The following TUBA1C variants were observed in gnomAD, a reference collection of about 807,000 sequenced individuals.
TUBA1C encodes the protein tubulin alpha-1C chain.
In TUBA1C, 16 loss-of-function variants were observed where a neutral mutation model predicts 34.9. The observed-to-expected ratio is 0.46, with a 90% CI of 0.31 to 0.70. The LOEUF (loss-of-function observed/expected upper bound fraction) is 0.70, where lower values mean the gene tolerates loss of function less well. Ranked by LOEUF, TUBA1C falls within the 30% of genes least tolerant of loss-of-function variation. The probability of loss-of-function intolerance (pLI) is 0.05; values close to 1 mark genes in which losing one functional copy is unlikely to be tolerated. For missense variants in TUBA1C, 329 were observed against 587.3 expected, an observed-to-expected ratio of 0.56 and a Z score of 4.55; for synonymous variants, 177 against 215.9, an observed-to-expected ratio of 0.82 and a Z score of 1.58.
intron 1 of TUBA1C, among the ~76,000 whole-genome samples, chr12:49,253,869 G>T (rs1942755215): frequency 6.6e-6 from 1 of 152,142 alleles, no homozygotes; most frequent in African/African-American, 2.4e-5. Context: ...CTAAACAAAA[G>T]AAAGTGAAGG....
chr12:49,245,716 G>T (rs1358792225), intron 1 of TUBA1C, among the ~76,000 whole-genome samples: 1 of 152,180 alleles, frequency 6.6e-6, no homozygotes. Context: ...AGAGGATTTT[G>T]CCAGGGTGGG....
chr12:49,236,967 A>G (rs1942561460), intron 1 of TUBA1C, among the ~76,000 whole-genome samples: 1 of 152,224 alleles, frequency 6.6e-6, no homozygotes. Context: ...TGTATAGTCA[A>G]TATGTTATAA....
intron 1 of TUBA1C, among the ~76,000 whole-genome samples, chr12:49,268,853 T>G (rs1942950744): frequency 6.6e-6 from 1 of 152,138 alleles, no homozygotes; most frequent in Non-Finnish European, 1.5e-5. Flanking sequence ...AGTTACACAA[T>G]CATTCAGAGA....
chr12:49,265,967 A>AAC (rs1555167824), intron 1 of TUBA1C, among the ~76,000 whole-genome samples: 6 of 142,356 alleles, frequency 4.2e-5, no homozygotes, highest in Non-Finnish European at 7.7e-5. Flanking sequence ...TAAAAAAAAA[A>AAC]AAAAACAAAA....
intron 1 of TUBA1C, among the ~76,000 whole-genome samples, chr12:49,231,630 G>A (rs1015825569): frequency 6.6e-6 from 1 of 152,162 alleles, no homozygotes; most frequent in Non-Finnish European, 1.5e-5. Context: ...TATTGTGAAC[G>A]TATGTGCCAT....
intron 1 of TUBA1C, among the ~76,000 whole-genome samples, chr12:49,254,001 A>G (rs1245139095): frequency 6.6e-6 from 1 of 152,126 alleles, no homozygotes; most frequent in African/African-American, 2.4e-5. Context: ...CCCTACAGAG[A>G]TAGAAGACAG....
chr12:49,229,909 T>G (rs1365431875), intron 1 of TUBA1C, among the ~76,000 whole-genome samples: 1 of 152,170 alleles, frequency 6.6e-6, no homozygotes, highest in East Asian at 1.9e-4. Context: ...TGCCTCAGCC[T>G]CCCTAGTAGC....
intron 1 of TUBA1C, among the ~76,000 whole-genome samples, chr12:49,252,678 G>A (rs977233612): frequency 2.6e-5 from 4 of 152,156 alleles, no homozygotes; most frequent in Admixed American, 6.5e-5. Context: ...TTGGGAGGCC[G>A]AGGCGGGTGG....
At chr12:49,268,400 T>TA (rs1942944608) in intron 1 of TUBA1C, among the ~76,000 whole-genome samples, 1 of 150,148 alleles carries the variant, frequency 6.7e-6, no homozygotes, top group Admixed American at 6.7e-5. Flanking sequence ...TGCTCTACCA[T>TA]AATTTTTTTT....
In TUBA1C at chr12:49,273,442, G is replaced by A. The variant is rs1943023164; in HGVS notation, c.*215G>A. Reference sequence around the variant, plus strand: ...GCTCTGTCACCCAGGCTGGAGTGCAGTGGCATGATAATACATAGCTCATTG... The same window carrying A: ...GCTCTGTCACCCAGGCTGGAGTGCAATGGCATGATAATACATAGCTCATTG... On this transcript the variant is annotated 3_prime_UTR_variant, in exon 4 of 4. Coordinates refer to ENST00000301072, the MANE Select transcript of TUBA1C (RefSeq NM_032704.5). 3 of 783,440 alleles carry A rather than the reference G, an allele frequency of 3.8e-6. No individual in the cohort carries two copies. The Admixed American group carries it at 7.3e-5, about 19-fold the overall frequency. 48.5% of individuals were successfully genotyped at this position (783,440 alleles called of 1,614,324 possible).
intron 1 of TUBA1C, among the ~76,000 whole-genome samples, chr12:49,241,414 A>C (rs1942613597): frequency 6.6e-6 from 1 of 152,114 alleles, no homozygotes; most frequent in Non-Finnish European, 1.5e-5. Context: ...GCAGGACCAC[A>C]TACAAAGGTA....
chr12:49,264,935 C>T (rs1013817488), upstream of TUBA1C: 2 of 401,866 alleles, frequency 5.0e-6, no homozygotes, highest in African/African-American at 4.1e-5. Context: ...ATCAGCGCCG[C>T]GCGCCCCCAC....
intron 1 of TUBA1C, among the ~76,000 whole-genome samples, chr12:49,268,506 G>A (rs1942946328): frequency 6.6e-6 from 1 of 151,922 alleles, no homozygotes; most frequent in Non-Finnish European, 1.5e-5. Flanking sequence ...GCCTCCCAAA[G>A]TGCTGGGATT....
At chr12:49,246,977 T>TG (rs1942676217) in intron 1 of TUBA1C, among the ~76,000 whole-genome samples, 1 of 150,102 alleles carries the variant, frequency 6.7e-6, no homozygotes, top group Non-Finnish European at 1.5e-5. Flanking sequence ...CCATCTCTAC[T>TG]AAAAATACAA....
In TUBA1C at chr12:49,269,524, G is replaced by T; in HGVS notation, c.63G>T (p.Trp21Cys). Residue 21 changes from tryptophan to cysteine, a missense_variant, in exon 2 of 4, where the codon TGG becomes TGT. Transcript: ENST00000301072. ...GTGTCCAGATTGGCAATGCCTGCTG[G>T]GAGCTCTACTGCCTGGAACACGGCA... ...QAGVQIGNACWELYCLEHGIQ... is the reference protein window; with the variant it reads ...QAGVQIGNACCELYCLEHGIQ... 6.2e-7 allele frequency: 1 copy of T among 1,614,220 alleles called. No homozygotes were observed. Among genetic ancestry groups the T allele is most frequent in the Non-Finnish European group, 8.5e-7 (1 of 1,180,044 alleles).
chr12:49,270,150 A>G, intron 3 of TUBA1C, 174 bp downstream of exon 3: 1 of 1,344,792 alleles, frequency 7.4e-7, no homozygotes, highest in East Asian at 2.5e-5. Flanking sequence ...TTTATGGGAC[A>G]ACTATGGGGT....
intron 1 of TUBA1C, among the ~76,000 whole-genome samples, chr12:49,248,598 C>G (rs1393801440): frequency 1.3e-5 from 2 of 150,374 alleles, no homozygotes; most frequent in African/African-American, 2.4e-5. Flanking sequence ...GCACGGTGGC[C>G]CACGTCTGTA....
At chr12:49,264,089 A>G (rs970129054), upstream of TUBA1C, among the ~76,000 whole-genome samples, 45 of 152,136 alleles carry the variant, frequency 3.0e-4, no homozygotes, top group African/African-American at 1.1e-3. Context: ...GTGTGGTGGC[A>G]CGCGCCTGTA....
intron 1 of TUBA1C, among the ~76,000 whole-genome samples, chr12:49,236,024 G>A (rs1011227576): frequency 6.6e-6 from 1 of 152,234 alleles, no homozygotes; most frequent in Non-Finnish European, 1.5e-5. Flanking sequence ...TTTGCTGAAT[G>A]GGAGGAGTTT....
Sources: gnomAD v4.1 joint callset for allele counts (sites outside exome capture counted in the v4.1 genomes callset) on GRCh38, gnomAD v4.1.1 for gene constraint, MANE v1.5 for transcripts, NCBI Gene and HGNC (gene_info 2026-07-23, HGNC 2026-07-21) for gene names.